TRDN: variants seen among roughly 807,000 people sequenced by gnomAD.
The protein encoded by TRDN is triadin in skeletal muscle.
Under a neutral mutation model 149.7 loss-of-function variants are expected in TRDN, and 161 were observed. That is an observed-to-expected ratio of 1.08 (90% CI 0.95 to 1.23). The LOEUF is 1.23. Ranked by LOEUF, TRDN falls within the 50% of genes most tolerant of loss-of-function variation. TRDN has a pLI of 0.00. For missense variants in TRDN, 896 were observed against 823.5 expected, an observed-to-expected ratio of 1.09 and a Z score of -1.08; for synonymous variants, 294 against 250.5, an observed-to-expected ratio of 1.17 and a Z score of -1.64.
intron 10 of TRDN, among the ~76,000 whole-genome samples, chr6:123,446,291 A>G (rs1413011919): frequency 6.6e-6 from 1 of 152,086 alleles, no homozygotes. Flanking sequence ...ATGCTAGATG[A>G]CAAGTTAGTG....
intron 8 of TRDN, among the ~76,000 whole-genome samples, chr6:123,500,406 A>G (rs1200941913): frequency 6.6e-6 from 1 of 152,126 alleles, no homozygotes; most frequent in African/African-American, 2.4e-5. Context: ...TGCTTAACCT[A>G]TCTAAGAATA....
chr6:123,494,745 T>G (rs2114805952), intron 9 of TRDN, among the ~76,000 whole-genome samples: 1 of 152,136 alleles, frequency 6.6e-6, no homozygotes, highest in African/African-American at 2.4e-5. Context: ...GAACTTTTTG[T>G]TTTTTTGAGA....
chr6:123,378,511 C>T (rs1190416157), intron 16 of TRDN, among the ~76,000 whole-genome samples: 1 of 150,834 alleles, frequency 6.6e-6, no homozygotes, highest in Non-Finnish European at 1.5e-5. Context: ...GAGACAAAGT[C>T]TCACCATGTT....
intron 20 of TRDN, among the ~76,000 whole-genome samples, chr6:123,359,376 G>A (rs1371265070): frequency 6.6e-6 from 1 of 152,190 alleles, no homozygotes; most frequent in Admixed American, 6.5e-5. Context: ...ATTTTAACAA[G>A]CTTGGATTTT....
intron 30 of TRDN, 57 bp from the exon 31 acceptor site, chr6:123,269,923 A>G (rs1360179194): frequency 6.5e-7 from 1 of 1,536,034 alleles, no homozygotes; most frequent in East Asian, 2.3e-5. Flanking sequence ...CATGGAAAAA[A>G]TAACTGTTTA....
At chr6:123,618,311 T>A (rs775527265) in intron 1 of TRDN, among the ~76,000 whole-genome samples, 18 of 152,168 alleles carry the variant, frequency 1.2e-4, no homozygotes, top group Admixed American at 2.6e-4. Context: ...CTCCTTGTAC[T>A]TTCTACCTTC....
chr6:123,556,918 C>A (rs1415960405), intron 2 of TRDN, among the ~76,000 whole-genome samples: 1 of 152,018 alleles, frequency 6.6e-6, no homozygotes, highest in Non-Finnish European at 1.5e-5. Flanking sequence ...GGCCAGTTCC[C>A]ACCTTAACTG....
chr6:123,358,107 A>G, intron 20 of TRDN, among the ~76,000 whole-genome samples: 1 of 152,310 alleles, frequency 6.6e-6, no homozygotes, highest in Non-Finnish European at 1.5e-5. Flanking sequence ...TTCTCTTTCT[A>G]TACCACAAGA....
chr6:123,519,837 T>A (rs535277699), intron 5 of TRDN, among the ~76,000 whole-genome samples: 1 of 152,276 alleles, frequency 6.6e-6, no homozygotes, highest in African/African-American at 2.4e-5. Context: ...CTGATTTTTC[T>A]TTTAACTAAT....
chr6:123,389,306 G>A (rs1782021252), intron 13 of TRDN: 1 of 152,056 alleles, frequency 6.6e-6, no homozygotes, highest in African/African-American at 2.4e-5. Flanking sequence ...ATCATTCAGG[G>A]GTATCTTAGG....
At chr6:123,362,724 T>C (rs957453779) in intron 20 of TRDN, among the ~76,000 whole-genome samples, 1 of 152,152 alleles carries the variant, frequency 6.6e-6, no homozygotes, top group African/African-American at 2.4e-5. Context: ...CCTTGAAATA[T>C]GGTAATACAA....
chr6:123,591,295 G>A (rs1378655914), intron 1 of TRDN, among the ~76,000 whole-genome samples: 1 of 152,052 alleles, frequency 6.6e-6, no homozygotes, highest in Middle Eastern at 3.4e-3. Context: ...GCCCAGGCTG[G>A]GGTGCAGTGG....
In TRDN at chr6:123,331,141, C is replaced by T. The variant is rs552483259; in HGVS notation, c.1471+738G>A. On this transcript the variant is annotated intron_variant, in intron 23 of 40. Coordinates refer to ENST00000334268, the MANE Select transcript of TRDN (RefSeq NM_006073.4). ...ATATTAGACAACTCTGAGCACAATG[C>T]CATGTCCACAGAATATACTTGGATT... Among the ~76,000 whole-genome samples the T allele has an allele frequency of 9.9e-5, 15 of 152,106 alleles. No individual in the cohort carries two copies. In the South Asian group the frequency reaches 3.1e-3, roughly 32 times the overall value.
rs1299679023 is a variant in TRDN, at chr6:123,272,950, C to A, written c.1672+14G>T. On this transcript the variant is annotated intron_variant, in intron 29 of 40. Coordinates refer to ENST00000334268, the MANE Select transcript of TRDN (RefSeq NM_006073.4). ...AGAGGTTATTTGAGACTACAAATAC[C>A]ACCTGCAAAATACCTGGTTTACCAT... 1 of 1,519,726 alleles carries A rather than the reference C, an allele frequency of 6.6e-7. No homozygotes were observed. Among genetic ancestry groups the A allele is most frequent in the South Asian group, 1.3e-5 (1 of 79,478 alleles). The allele number at this position is 1,519,726 out of a possible 1,614,324, so 94.1% of individuals were successfully genotyped here.
rs552616367 is a variant in TRDN, at chr6:123,333,100, C to A, written c.1421-1171G>T. ...AAGAGTCATGAATTGAACAAACACA[C>A]TGGAAAGCTTCATTAACTGTTTTTC... On this transcript the variant is annotated intron_variant, in intron 22 of 40. Transcript: ENST00000334268. 4.5e-4 allele frequency among the ~76,000 whole-genome samples: 68 copies of A among 152,086 alleles called. 1 individual carries two copies. In the South Asian group the frequency reaches 9.6e-3, roughly 21 times the overall value.
chr6:123,267,046 G>T (rs1562237970), intron 32 of TRDN, among the ~76,000 whole-genome samples: 1 of 131,036 alleles, frequency 7.6e-6, no homozygotes, highest in African/African-American at 2.9e-5. Flanking sequence ...GGTGGAGCTT[G>T]CAGTGAGCTG....
At chr6:123,334,634 A>T (rs1779794929) in intron 22 of TRDN, among the ~76,000 whole-genome samples, 2 of 152,092 alleles carry the variant, frequency 1.3e-5, no homozygotes, top group Non-Finnish European at 2.9e-5. Flanking sequence ...GGCTTAAGTG[A>T]GTCCACTGGT....
intron 4 of TRDN, among the ~76,000 whole-genome samples, chr6:123,531,097 T>C (rs963322233): frequency 1.3e-5 from 2 of 152,040 alleles, no homozygotes; most frequent in Non-Finnish European, 2.9e-5. Context: ...ACACATTTCA[T>C]AGAATAAGTT....
chr6:123,261,804 C>T (rs1349351315), intron 33 of TRDN, among the ~76,000 whole-genome samples: 2 of 151,618 alleles, frequency 1.3e-5, no homozygotes, highest in East Asian at 1.9e-4. Context: ...GACTTCCAAC[C>T]CTTAATTTTG....
Sources: gnomAD v4.1 joint callset for allele counts (sites outside exome capture counted in the v4.1 genomes callset) on GRCh38, gnomAD v4.1.1 for gene constraint, MANE v1.5 for transcripts, NCBI Gene and HGNC (gene_info 2026-07-23, HGNC 2026-07-21) for gene names.